The following PLAAT3 variants were observed in gnomAD, a reference collection of about 807,000 sequenced individuals.
The protein encoded by PLAAT3 is Ca-independent phospholipase A1/2.
Under a neutral mutation model 16.7 loss-of-function variants are expected in PLAAT3, and 21 were observed. The ratio of observed to expected loss-of-function variants is 1.26; its 90% CI spans 0.89 to 1.81. The LOEUF is 1.81. Ranked by LOEUF, PLAAT3 falls within the 40% of genes most tolerant of loss-of-function variation. The probability of loss-of-function intolerance (pLI) is 0.00; values close to 1 mark genes in which losing one functional copy is unlikely to be tolerated. For missense variants in PLAAT3, 219 were observed against 213.7 expected, an observed-to-expected ratio of 1.02 and a Z score of -0.16; for synonymous variants, 76 against 81.7, an observed-to-expected ratio of 0.93 and a Z score of 0.38.
chr11:63,606,644 G>A (rs1230122477), intron 2 of PLAAT3, among the ~76,000 whole-genome samples: 1 of 152,198 alleles, frequency 6.6e-6, no homozygotes, highest in Non-Finnish European at 1.5e-5. Context: ...GGCCTCGCCT[G>A]GAGGCCGGAG....
rs190988401 is a variant in PLAAT3, at chr11:63,596,597, C to T, written c.118+1464G>A. 1.8e-4 allele frequency among the ~76,000 whole-genome samples: 28 copies of T among 151,524 alleles called. No individual in the cohort carries two copies. The South Asian group carries it at 4.0e-3, about 22-fold the overall frequency. On this transcript the variant is annotated intron_variant, in intron 3 of 4. Coordinates refer to ENST00000415826, the MANE Select transcript of PLAAT3 (RefSeq NM_001128203.2). ...AACTAGATGGTCCCTTCTGGGGTGA[C>T]GGGTGACAGTGACAGATCATCAGGC... is the stretch of plus-strand genomic sequence containing the variant.
chr11:63,589,830 C>T (rs1938094120), intron 4 of PLAAT3, among the ~76,000 whole-genome samples: 1 of 152,150 alleles, frequency 6.6e-6, no homozygotes, highest in Admixed American at 6.5e-5. Flanking sequence ...GACAGGTGGC[C>T]AGGGAGGGCT....
intron 1 of PLAAT3, 88 bp from the exon 2 acceptor site, chr11:63,614,156 C>G: frequency 8.8e-7 from 1 of 1,130,306 alleles, no homozygotes; most frequent in Non-Finnish European, 1.3e-6. Context: ...TTGGGCAGGG[C>G]GTGAGAGGCG....
intron 3 of PLAAT3, among the ~76,000 whole-genome samples, chr11:63,591,548 G>A (rs1011390227): frequency 1.3e-5 from 2 of 152,194 alleles, no homozygotes; most frequent in African/African-American, 4.8e-5. Flanking sequence ...AAACTGGGTA[G>A]GACCAGTCTT....
chr11:63,604,899 A>G (rs1311011918), intron 2 of PLAAT3, among the ~76,000 whole-genome samples: 1 of 152,230 alleles, frequency 6.6e-6, no homozygotes, highest in Non-Finnish European at 1.5e-5. Flanking sequence ...AGCAAAACAG[A>G]CACAAGCAAA....
chr11:63,581,096 G>A (rs1231978303), intron 4 of PLAAT3, among the ~76,000 whole-genome samples: 2 of 152,198 alleles, frequency 1.3e-5, no homozygotes, highest in African/African-American at 4.8e-5. Flanking sequence ...TTCGTAAGCT[G>A]AGAATGTACG....
chr11:63,597,138 T>G (rs924096396), intron 3 of PLAAT3, among the ~76,000 whole-genome samples: 1 of 151,390 alleles, frequency 6.6e-6, no homozygotes, highest in African/African-American at 2.4e-5. Context: ...CCTGCCACCA[T>G]ATAAGACCTG....
intron 4 of PLAAT3, among the ~76,000 whole-genome samples, chr11:63,582,420 A>T (rs970494862): frequency 2.0e-5 from 3 of 152,182 alleles, no homozygotes; most frequent in Admixed American, 6.5e-5. Context: ...AAAATAAACA[A>T]GAACTTGTAG....
chr11:63,606,461 CA>C (rs201388709), intron 2 of PLAAT3, among the ~76,000 whole-genome samples: 2,456 of 149,100 alleles, frequency 0.016, 58 homozygotes, highest in African/African-American at 0.059. Context: ...CACACACACA[CA>C]CCTTAGTAAA....
At position 63,590,339 on chromosome 11, in the gene PLAAT3, C is replaced by T; in HGVS notation, c.148G>A (p.Val50Ile). 2 of 1,614,150 alleles carry T rather than the reference C, an allele frequency of 1.2e-6. No individual in the cohort carries two copies. Among genetic ancestry groups the T allele is most frequent in the East Asian group, 2.2e-5 (1 of 44,880 alleles). The part of the protein sequence containing the change: ...SEVAGAGAAS[V>I]MSALTDKAIV... ...GCCTTGTCAGTCAGGGCGGACATGA[C>T]ACTGGCTGCACCAGCTCCTGCGACC... Residue 50 changes from valine to isoleucine, a missense_variant, in exon 4 of 5, where the codon GTC (valine) becomes ATC (isoleucine). By Grantham distance (29) the Val-to-Ile change is conservative. Coordinates refer to ENST00000415826, the MANE Select transcript of PLAAT3 (RefSeq NM_001128203.2).
chr11:63,607,443 C>T (rs1434067298), intron 2 of PLAAT3, among the ~76,000 whole-genome samples: 1 of 151,964 alleles, frequency 6.6e-6, no homozygotes, highest in Non-Finnish European at 1.5e-5. Flanking sequence ...TGGAGGATCA[C>T]TTGAGCCAAG....
chr11:63,603,011 T>C (rs1186422456), intron 2 of PLAAT3, among the ~76,000 whole-genome samples: 1 of 152,194 alleles, frequency 6.6e-6, no homozygotes, highest in African/African-American at 2.4e-5. Flanking sequence ...GGAGAATCGC[T>C]TGAACCCAGA....
intron 2 of PLAAT3, among the ~76,000 whole-genome samples, chr11:63,613,060 C>T (rs756765829): frequency 6.6e-6 from 1 of 152,156 alleles, no homozygotes; most frequent in Non-Finnish European, 1.5e-5. Flanking sequence ...TATGGTTGAG[C>T]ACTCAAAATG....
At chr11:63,590,433 G>A in intron 3 of PLAAT3, 65 bp from the exon 4 acceptor site, 2 of 1,497,242 alleles carry the variant, frequency 1.3e-6, no homozygotes, top group Non-Finnish European at 1.8e-6. Context: ...GCTCAGAGCT[G>A]GCCCCCAGCC....
intron 4 of PLAAT3, among the ~76,000 whole-genome samples, chr11:63,589,137 C>A (rs1938065712): frequency 6.6e-6 from 1 of 151,922 alleles, no homozygotes; most frequent in South Asian, 2.1e-4. Flanking sequence ...ATCATTCGTA[C>A]TTTACCAAAG....
At chr11:63,609,001 G>A (rs943114348) in intron 2 of PLAAT3, among the ~76,000 whole-genome samples, 4 of 152,160 alleles carry the variant, frequency 2.6e-5, no homozygotes, top group Non-Finnish European at 4.4e-5. Flanking sequence ...GCTTGATAAC[G>A]TAGGAGCCAT....
intron 3 of PLAAT3, among the ~76,000 whole-genome samples, chr11:63,595,764 C>T (rs1189288687): frequency 6.6e-6 from 1 of 152,046 alleles, no homozygotes; most frequent in East Asian, 1.9e-4. Flanking sequence ...TTATGTTATA[C>T]CCCAGTTTAA....
chr11:63,585,838 T>G (rs892989606), intron 4 of PLAAT3, among the ~76,000 whole-genome samples: 1 of 152,198 alleles, frequency 6.6e-6, no homozygotes, highest in Non-Finnish European at 1.5e-5. Context: ...AGTGTTAAAT[T>G]ATTGTTTACA....
At chr11:63,610,435 C>A (rs1048553574) in intron 2 of PLAAT3, among the ~76,000 whole-genome samples, 2 of 152,200 alleles carry the variant, frequency 1.3e-5, no homozygotes, top group Non-Finnish European at 2.9e-5. Context: ...ACCAGAATTC[C>A]GTCTAATTCA....
Sources: gnomAD v4.1 joint callset for allele counts (sites outside exome capture counted in the v4.1 genomes callset) on GRCh38, gnomAD v4.1.1 for gene constraint, MANE v1.5 for transcripts, NCBI Gene and HGNC (gene_info 2026-07-23, HGNC 2026-07-21) for gene names.